The following FAM149B1 variants were observed in gnomAD, a reference collection of about 807,000 sequenced individuals.
FAM149B1 encodes the protein family with sequence similarity 149 member B1, also known as primary cilium assembly protein FAM149B1.
FAM149B1 carries 56 observed loss-of-function variants against 75.3 expected under a neutral mutation model. That is an observed-to-expected ratio of 0.74 (90% confidence interval 0.60 to 0.93). FAM149B1 has a LOEUF of 0.93. Among genes scored for constraint, FAM149B1 ranks in the 40% least tolerant of loss-of-function variants. The pLI is 0.00. For synonymous variants in FAM149B1, 259 were observed against 256.1 expected (o/e 1.01, Z -0.11); for missense variants, 639 against 708.4 (o/e 0.90, Z 1.11).
rs142964074 is a variant in FAM149B1 at position 73,200,759 on chromosome 10, T to C, written c.542+7166T>C. The C allele has an allele frequency of 9.7e-4, 453 of 465,912 alleles. 5 individuals carry two copies. In the East Asian group the frequency reaches 0.022, roughly 23 times the overall value. The allele number at this position is 465,912 out of a possible 1,614,324, so 28.9% of individuals were successfully genotyped here. A position where few individuals can be genotyped will look rare whatever the true frequency, so the allele number is the denominator to read the frequency against. ...GAACCTTGAAGGAATCGAACAGTTT[T>C]ATATCAGTGTTGAGCAGGAGGAATG... is the stretch of plus-strand genomic sequence containing the variant. On this transcript the variant is annotated intron_variant, in intron 5 of 13. Transcript: ENST00000242505.
chr10:73,230,592 T>TATC, intron 9 of FAM149B1, 67 bp downstream of exon 9: 4 of 901,884 alleles, frequency 4.4e-6, no homozygotes, highest in African/African-American at 1.6e-5. Context: ...AAAATCAGTT[T>TATC]ATCAGTATGC....
rs539258722 is a variant in FAM149B1, at chr10:73,222,864, GA to G, written c.899-5188del. ...ATCACAGCTTGCCAAGAGTAAAAGGGAAAAAAAAGTTTTTATTGAAGTGTAA... is the reference window on the plus strand; with the variant it reads ...ATCACAGCTTGCCAAGAGTAAAAGGGAAAAAAAGTTTTTATTGAAGTGTAA... On this transcript the variant is annotated intron_variant, in intron 7 of 13. Transcript: ENST00000242505. Among the ~76,000 whole-genome samples, 303 of 151,660 alleles carry G rather than the reference GA, an allele frequency of 2.0e-3. 3 individuals carry two copies. The highest frequency in any genetic ancestry group is 6.4e-3 in the African/African-American group (263 of 41,392).
intron 3 of FAM149B1, among the ~76,000 whole-genome samples, chr10:73,179,209 C>A (rs527939812): frequency 6.6e-6 from 1 of 152,212 alleles, no homozygotes; most frequent in South Asian, 2.1e-4. Flanking sequence ...GTAATCTGCC[C>A]GCCTCAGCCT....
chr10:73,194,658 C>T (rs893414015), intron 5 of FAM149B1, among the ~76,000 whole-genome samples: 2 of 143,022 alleles, frequency 1.4e-5, no homozygotes, highest in Admixed American at 1.4e-4. Flanking sequence ...CCACCGCACC[C>T]AGACTTTTTT....
At chr10:73,198,591 G>A (rs2042860800) in intron 5 of FAM149B1, among the ~76,000 whole-genome samples, 1 of 152,144 alleles carries the variant, frequency 6.6e-6, no homozygotes, top group Non-Finnish European at 1.5e-5. Context: ...GATCACCTGA[G>A]GTCAAGTATT....
chr10:73,228,620 G>A (rs941212506), intron 8 of FAM149B1, among the ~76,000 whole-genome samples: 26 of 151,052 alleles, frequency 1.7e-4, no homozygotes, highest in Admixed American at 2.6e-4. Flanking sequence ...TTTTTTTTGA[G>A]ACAGTCTCGC....
At chr10:73,207,001 C>A (rs2043079240) in intron 5 of FAM149B1, among the ~76,000 whole-genome samples, 1 of 152,190 alleles carries the variant, frequency 6.6e-6, no homozygotes, top group Admixed American at 6.5e-5. Context: ...AGCTTGTGGG[C>A]ACACAGAGGG....
At chr10:73,182,350 G>A (rs1474947296) in intron 3 of FAM149B1, among the ~76,000 whole-genome samples, 1 of 152,006 alleles carries the variant, frequency 6.6e-6, no homozygotes, top group Non-Finnish European at 1.5e-5. Context: ...GAGTAGCTGG[G>A]ATTGCAGTTT....
Position 73,239,249 on chromosome 10 carries a change from G to C in FAM149B1, c.1603-63G>C, listed in dbSNP as rs533434342. 68 of 1,394,556 alleles carry C rather than the reference G, an allele frequency of 4.9e-5. No individual in the cohort carries two copies. The African/African-American group carries it at 7.9e-4, about 16-fold the overall frequency. 86.4% of individuals were successfully genotyped at this position (1,394,556 alleles called of 1,614,324 possible). ...GATTTCAAGGTGTTCCTGTGAACCT[G>C]CTAAAATATTATCCTTTGTGAGAAG... On this transcript the variant is annotated intron_variant, in intron 12 of 13. Coordinates refer to ENST00000242505, the MANE Select transcript of FAM149B1 (RefSeq NM_173348.2).
At position 73,243,398 on chromosome 10, in the gene FAM149B1, C is replaced by T; in HGVS notation, c.*2379C>T. 6.2e-7 allele frequency: 1 copy of T among 1,613,492 alleles called. No homozygotes were observed. Among genetic ancestry groups the T allele is most frequent in the African/African-American group, 1.3e-5 (1 of 75,020 alleles). ...TAAGGACCTTTGAAGAGAAAAATTC[C>T]ATTATTTCTTTTCTTTCTTGAGAGC... On this transcript the variant is annotated 3_prime_UTR_variant, in exon 14 of 14. Transcript: ENST00000242505.
At chr10:73,171,763 G>T (rs1235734185) in intron 1 of FAM149B1, among the ~76,000 whole-genome samples, 1 of 151,796 alleles carries the variant, frequency 6.6e-6, no homozygotes, top group Non-Finnish European at 1.5e-5. Context: ...CGAGTAGCTG[G>T]GACTACAGGT....
chr10:73,236,612 C>CAAAA (rs2043828146), intron 12 of FAM149B1, among the ~76,000 whole-genome samples: 3 of 151,856 alleles, frequency 2.0e-5, no homozygotes, highest in Admixed American at 6.6e-5. Context: ...TGGGGTTTTG[C>CAAAA]CATCTTGGCC....
In FAM149B1 at chr10:73,234,872, A is replaced by C. The variant is rs1352072811; in HGVS notation, c.1408A>C (p.Asn470His). 6.4e-7 allele frequency: 1 copy of C among 1,551,780 alleles called. No homozygotes were observed. Among genetic ancestry groups the C allele is most frequent in the Non-Finnish European group, 8.7e-7 (1 of 1,147,014 alleles). The stretch of plus-strand genomic sequence containing the variant: ...CTCACCGACGCCCCTGAGTCGAAAT[A>C]ATCTGCTACCACCTATTGGCACAGC... ...SPSPTPLSRN[N>H]LLPPIGTAEV... The change falls in exon 11 of 14, where the codon AAT becomes CAT. Residue 470 changes from asparagine to histidine, a missense_variant. Physicochemically the swap from Asn to His is moderately conservative, Grantham distance 68. Coordinates refer to ENST00000242505, the MANE Select transcript of FAM149B1 (RefSeq NM_173348.2).
intron 3 of FAM149B1, among the ~76,000 whole-genome samples, chr10:73,187,946 G>A (rs748213162): frequency 5.3e-5 from 8 of 151,952 alleles, no homozygotes; most frequent in Admixed American, 2.6e-4. Context: ...AGCTGGGCAC[G>A]GTGGTGCAGG....
intron 6 of FAM149B1, among the ~76,000 whole-genome samples, chr10:73,209,008 G>A (rs995482697): frequency 6.6e-6 from 1 of 152,124 alleles, no homozygotes; most frequent in African/African-American, 2.4e-5. Flanking sequence ...GCCTGTTCCT[G>A]AGATTAGAGA....
At chr10:73,178,409 T>C (rs1844064191) in intron 3 of FAM149B1, among the ~76,000 whole-genome samples, 1 of 151,880 alleles carries the variant, frequency 6.6e-6, no homozygotes, top group African/African-American at 2.4e-5. Context: ...GAGAATGGCT[T>C]GAACGCGGGA....
chr10:73,230,677 T>TC lies in FAM149B1; in HGVS notation c.1127+153dup, dbSNP rs1156891194. ...CATCCAAGGGACATGGTCTCCACCA[T>TC]CAGGGGGCTGATAATGTAACTGGAA... is the stretch of plus-strand genomic sequence containing the variant. On this transcript the variant is annotated intron_variant, in intron 9 of 13. Coordinates refer to ENST00000242505, the MANE Select transcript of FAM149B1 (RefSeq NM_173348.2). 8.8e-6 allele frequency: 5 copies of TC among 570,488 alleles called. No homozygotes were observed. In the Admixed American group the frequency reaches 1.2e-4, roughly 13 times the overall value. The allele number at this position is 570,488 out of a possible 1,614,324, so 35.3% of individuals were successfully genotyped here. A position where few individuals can be genotyped will look rare whatever the true frequency, so the allele number is the denominator to read the frequency against.
At chr10:73,208,080 G>T (rs2043107287) in intron 5 of FAM149B1, among the ~76,000 whole-genome samples, 1 of 152,234 alleles carries the variant, frequency 6.6e-6, no homozygotes. Flanking sequence ...GTGGGGCCTG[G>T]TGGGAGGTGT....
intron 13 of FAM149B1, among the ~76,000 whole-genome samples, chr10:73,240,499 T>C (rs545646447): frequency 6.6e-6 from 1 of 151,982 alleles, no homozygotes; most frequent in Non-Finnish European, 1.5e-5. Flanking sequence ...GATCACGAGG[T>C]CAGCATATTG....
Sources: allele counts gnomAD v4.1 joint callset (sites outside exome capture counted in the v4.1 genomes callset), GRCh38; gene constraint gnomAD v4.1.1; transcripts MANE v1.5; gene names NCBI Gene and HGNC (gene_info 2026-07-23, HGNC 2026-07-21).